Variants in LRP1B observed in about 807,000 individuals in gnomAD.
LRP1B encodes the protein LDL receptor related protein 1B, also known as low-density lipoprotein receptor-related protein 1B.
LRP1B carries 217 observed loss-of-function variants against 556.6 expected under a neutral mutation model. The observed-to-expected ratio is 0.39, with a 90% CI of 0.35 to 0.44. The LOEUF (loss-of-function observed/expected upper bound fraction) is 0.44, where lower values mean the gene tolerates loss of function less well. Among genes scored for constraint, LRP1B ranks in the 20% least tolerant of loss-of-function variants. The pLI is 1.00. For missense variants in LRP1B, 5,053 were observed against 5,620.8 expected, an observed-to-expected ratio of 0.90 and a Z score of 3.23; for synonymous variants, 2,047 against 1,865.8, an observed-to-expected ratio of 1.10 and a Z score of -2.50.
intron 7 of LRP1B, among the ~76,000 whole-genome samples, chr2:141,102,218 T>C (rs948492939): frequency 6.6e-6 from 1 of 152,062 alleles, no homozygotes; most frequent in Admixed American, 6.6e-5. Flanking sequence ...ATTAGCCAAA[T>C]AGGATATATA....
chr2:141,183,950 G>A (rs1330928673), intron 7 of LRP1B, among the ~76,000 whole-genome samples: 2 of 151,926 alleles, frequency 1.3e-5, no homozygotes, highest in Non-Finnish European at 2.9e-5. Flanking sequence ...TTTGCAACAA[G>A]TTCACACTCA....
intron 2 of LRP1B, among the ~76,000 whole-genome samples, chr2:141,577,027 G>A (rs1047512002): frequency 6.6e-6 from 1 of 151,658 alleles, no homozygotes; most frequent in African/African-American, 2.4e-5. Flanking sequence ...CCAATTAAAG[G>A]TGTAAGATTT....
intron 35 of LRP1B, among the ~76,000 whole-genome samples, chr2:140,724,935 G>A (rs1178504149): frequency 1.3e-5 from 2 of 152,040 alleles, no homozygotes; most frequent in African/African-American, 4.8e-5. Context: ...AGAAATATAA[G>A]CATTCTTCAT....
intron 7 of LRP1B, among the ~76,000 whole-genome samples, chr2:141,091,844 G>T (rs1337522029): frequency 6.6e-6 from 1 of 152,170 alleles, no homozygotes; most frequent in Non-Finnish European, 1.5e-5. Context: ...ACTGTTGTTG[G>T]GCTCTGTGGT....
intron 1 of LRP1B, among the ~76,000 whole-genome samples, chr2:142,092,881 A>G (rs539880030): frequency 4.4e-4 from 67 of 152,248 alleles, no homozygotes; most frequent in South Asian, 1.2e-3. Context: ...AATCACCATC[A>G]TAAGTTTTCC....
intron 3 of LRP1B, among the ~76,000 whole-genome samples, chr2:141,325,413 A>T (rs1051871190): frequency 3.3e-5 from 5 of 152,148 alleles, no homozygotes; most frequent in Non-Finnish European, 7.4e-5. Context: ...CTTTTATGAA[A>T]CAAGATTATT....
chr2:140,379,501 C>T (rs924359940), intron 67 of LRP1B, among the ~76,000 whole-genome samples: 1 of 152,078 alleles, frequency 6.6e-6, no homozygotes, highest in African/African-American at 2.4e-5. Flanking sequence ...TCAAGTCCAG[C>T]TTGGTCAACA....
rs188090714 is a variant in LRP1B, at chr2:140,852,188, G to A, written c.4580-405C>T. ...TAAAAATACAAAAAATTTGCCGAGC[G>A]TGGTGACACACACCTCTAGTCCCAG... On this transcript the variant is annotated intron_variant, in intron 27 of 90. Transcript: ENST00000389484. 1.1e-3 allele frequency among the ~76,000 whole-genome samples: 167 copies of A among 152,154 alleles called. 2 individuals are homozygous for A. Among genetic ancestry groups the A allele is most frequent in the African/African-American group, 3.7e-3 (154 of 41,514 alleles).
intron 2 of LRP1B, among the ~76,000 whole-genome samples, chr2:141,780,757 G>A (rs1360031951): frequency 1.3e-5 from 2 of 152,100 alleles, no homozygotes; most frequent in Admixed American, 1.3e-4. Flanking sequence ...AGATTCATTT[G>A]AATTAGCAAA....
At chr2:141,961,817 A>T (rs1701411583) in intron 1 of LRP1B, among the ~76,000 whole-genome samples, 1 of 151,746 alleles carries the variant, frequency 6.6e-6, no homozygotes, top group African/African-American at 2.4e-5. Context: ...GAAGCCACCA[A>T]TGCCCATTGA....
At chr2:140,746,704 GA>G (rs1399566747) in intron 35 of LRP1B, among the ~76,000 whole-genome samples, 2 of 152,100 alleles carry the variant, frequency 1.3e-5, no homozygotes, top group Admixed American at 1.3e-4. Context: ...ACATGCATAT[GA>G]GGGGGTTGTG....
At chr2:142,027,738 T>C (rs1459593235) in intron 1 of LRP1B, among the ~76,000 whole-genome samples, 2 of 143,258 alleles carry the variant, frequency 1.4e-5, no homozygotes, top group East Asian at 2.7e-4. Context: ...AGCTTGAAAG[T>C]GATGTCCAAG....
chr2:141,428,625 T>C (rs747615341), intron 3 of LRP1B, among the ~76,000 whole-genome samples: 2 of 152,146 alleles, frequency 1.3e-5, no homozygotes, highest in Non-Finnish European at 2.9e-5. Context: ...AGGTTCAGCT[T>C]AGGTCCTGAG....
At chr2:141,925,459 C>T (rs1193705132) in intron 1 of LRP1B, among the ~76,000 whole-genome samples, 3 of 152,114 alleles carry the variant, frequency 2.0e-5, no homozygotes, top group Admixed American at 6.6e-5. Flanking sequence ...CTATCTGACT[C>T]CAACAAAACA....
At chr2:140,591,964 G>T (rs2105168879) in intron 43 of LRP1B, among the ~76,000 whole-genome samples, 1 of 152,232 alleles carries the variant, frequency 6.6e-6, no homozygotes, top group East Asian at 1.9e-4. Context: ...TATTTGAGTA[G>T]TAAAACCTAC....
intron 7 of LRP1B, among the ~76,000 whole-genome samples, chr2:141,170,337 C>T (rs1305043942): frequency 1.3e-5 from 2 of 152,066 alleles, no homozygotes; most frequent in Non-Finnish European, 2.9e-5. Flanking sequence ...CAAGGTCTCA[C>T]ACGGAACTTT....
At chr2:142,086,612 A>AAAAC (rs758367886) in intron 1 of LRP1B, among the ~76,000 whole-genome samples, 4,462 of 91,836 alleles carry the variant, frequency 0.049, 136 homozygotes, top group Non-Finnish European at 0.061. Context: ...CTCCATCTCA[A>AAAAC]AAACAAACAA....
At position 140,850,263 on chromosome 2, in the gene LRP1B, T is replaced by A. The variant is rs1692417242; in HGVS notation, c.4778A>T (p.Tyr1593Phe). The part of the protein sequence containing the change: ...EIRGVDIDNP[Y>F]FNFITAFTVP... ...TGTAAATGCCGTGATGAAGTTAAAG[T>A]ATGGATTGTCAATATCCACTCCTCT... The change falls in exon 29 of 91, where the codon TAC (tyrosine) becomes TTC (phenylalanine). Residue 1593 changes from tyrosine (Y) to phenylalanine (F), a missense_variant. Around this residue, in one of 5 missense-constraint regions of LRP1B, gnomAD observed 3,619 missense variants for 3,931.9 expected, o/e 0.92. Coordinates refer to ENST00000389484, the MANE Select transcript of LRP1B (RefSeq NM_018557.3). 17 of 1,613,820 alleles carry A rather than the reference T, an allele frequency of 1.1e-5. No individual in the cohort carries two copies. Among genetic ancestry groups the A allele is most frequent in the Non-Finnish European group, 1.4e-5 (17 of 1,179,810 alleles).
chr2:141,815,841 A>C (rs757809754), intron 1 of LRP1B, among the ~76,000 whole-genome samples: 10 of 150,760 alleles, frequency 6.6e-5, no homozygotes, highest in Non-Finnish European at 1.2e-4. Flanking sequence ...TGTAACACTC[A>C]CTATTAAGGT....
Sources: allele counts gnomAD v4.1 joint callset (sites outside exome capture counted in the v4.1 genomes callset), GRCh38; gene constraint gnomAD v4.1.1; regional missense constraint gnomAD v4.1.1; transcripts MANE v1.5; gene names NCBI Gene and HGNC (gene_info 2026-07-23, HGNC 2026-07-21).